Variants in CGREF1 observed in about 807,000 individuals in gnomAD.
CGREF1 encodes cell growth regulator with EF hand domain protein 1.
In CGREF1, 16 loss-of-function variants were observed where a neutral mutation model predicts 17.4. The ratio of observed to expected loss-of-function variants is 0.92; its 90% CI spans 0.62 to 1.40. CGREF1 has a LOEUF of 1.40. Among genes scored for constraint, CGREF1 ranks in the 40% most tolerant of loss-of-function variants. The pLI, the probability that CGREF1 is intolerant of heterozygous loss-of-function variation, is 0.00. For synonymous variants in CGREF1, 142 were observed against 154.6 expected (o/e 0.92, Z 0.61); for missense variants, 296 against 376.4 (o/e 0.79, Z 1.77).
Position 27,100,989 on chromosome 2 carries a change from C to T in CGREF1, c.*285G>A, listed in dbSNP as rs1427593458. ...CACCGTGAGGCCCAGAAACACTGGG[C>T]AGGCGGCATCCCTGTCCTTTCGGTC... On this transcript the variant is annotated 3_prime_UTR_variant, in exon 6 of 6. Coordinates refer to ENST00000402394, the MANE Select transcript of CGREF1 (RefSeq NM_006569.6). 5 of 1,225,830 alleles carry T rather than the reference C, an allele frequency of 4.1e-6. No individual in the cohort carries two copies. The highest frequency in any genetic ancestry group is 3.1e-5 in the African/African-American group (2 of 64,362). The allele number at this position is 1,225,830 out of a possible 1,614,324, so 75.9% of individuals were successfully genotyped here.
At chr2:27,106,586 T>C (rs780062976) in intron 1 of CGREF1, among the ~76,000 whole-genome samples, 7 of 152,216 alleles carry the variant, frequency 4.6e-5, no homozygotes, top group Non-Finnish European at 1.0e-4. Context: ...TGAGACTCTA[T>C]AACAAGCCTG....
Position 27,101,066 on chromosome 2 carries a change from T to TA in CGREF1, c.*207_*208insT. The TA allele has an allele frequency of 3.2e-6, 4 of 1,235,972 alleles. No homozygotes were observed. The highest frequency in any genetic ancestry group is 3.4e-5 in the East Asian group (1 of 29,540). The allele number at this position is 1,235,972 out of a possible 1,614,324, so 76.6% of individuals were successfully genotyped here. A position where few individuals can be genotyped will look rare whatever the true frequency, so the allele number is the denominator to read the frequency against. On this transcript the variant is annotated 3_prime_UTR_variant, in exon 6 of 6. Transcript: ENST00000402394. ...TGGGCAGGCTGGACGGGTAGAGAGGTGGCCGGGGGGATGAATTCATTCAGT... is the reference window on the plus strand; with the variant it reads ...TGGGCAGGCTGGACGGGTAGAGAGGTAGGCCGGGGGGATGAATTCATTCAGT...
chr2:27,100,901 A>T lies in CGREF1; in HGVS notation c.*373T>A. On this transcript the variant is annotated 3_prime_UTR_variant, in exon 6 of 6. Coordinates refer to ENST00000402394, the MANE Select transcript of CGREF1 (RefSeq NM_006569.6). ...GGGTTTGGGGCCCAGGGATAGACTG[A>T]GCTTTCCTCACTGGGTCCTCTGCAG... is the stretch of plus-strand genomic sequence containing the variant. The T allele has an allele frequency of 1.8e-6, 2 of 1,087,854 alleles. No homozygotes were observed. The highest frequency in any genetic ancestry group is 4.4e-4 in the Middle Eastern group (1 of 2,290). 67.4% of individuals were successfully genotyped at this position (1,087,854 alleles called of 1,614,324 possible).
intron 1 of CGREF1, 33 bp from the exon 2 acceptor site, chr2:27,104,410 A>G (rs1671036631): frequency 1.2e-6 from 2 of 1,610,344 alleles, no homozygotes; most frequent in East Asian, 4.5e-5. Context: ...GGGTCGGGGG[A>G]AAGAGGCGTC....
chr2:27,108,586 A>G (rs1463555464), intron 1 of CGREF1, among the ~76,000 whole-genome samples: 1 of 152,172 alleles, frequency 6.6e-6, no homozygotes, highest in Non-Finnish European at 1.5e-5. Flanking sequence ...ACCTAGACCT[A>G]TTTTTCTAAA....
chr2:27,116,628 G>A (rs1671574061), intron 1 of CGREF1, among the ~76,000 whole-genome samples: 1 of 151,240 alleles, frequency 6.6e-6, no homozygotes, highest in South Asian at 2.1e-4. Flanking sequence ...GGAGTGCAAT[G>A]GCGCGATCTC....
At chr2:27,107,020 C>T (rs1357106823) in intron 1 of CGREF1, among the ~76,000 whole-genome samples, 2 of 152,194 alleles carry the variant, frequency 1.3e-5, no homozygotes, top group Admixed American at 1.3e-4. Flanking sequence ...ATGGCACCCC[C>T]AGATGACTGG....
chr2:27,103,542 G>GT (rs1202196735), intron 2 of CGREF1, among the ~76,000 whole-genome samples: 2 of 151,742 alleles, frequency 1.3e-5, no homozygotes, highest in Non-Finnish European at 2.9e-5. Flanking sequence ...CCGGCTAATT[G>GT]TTTTTTATTT....
chr2:27,107,288 T>C (rs1255536198), intron 1 of CGREF1, among the ~76,000 whole-genome samples: 2 of 135,522 alleles, frequency 1.5e-5, no homozygotes, highest in East Asian at 4.5e-4. Context: ...AGGGTCTCGC[T>C]CTGTTGCCCA....
chr2:27,105,802 C>T (rs1305037946), intron 1 of CGREF1, among the ~76,000 whole-genome samples: 1 of 152,232 alleles, frequency 6.6e-6, no homozygotes, highest in Non-Finnish European at 1.5e-5. Flanking sequence ...CCGCCTGGGC[C>T]TCCCAAAGTG....
At chr2:27,100,068 C>T, downstream of CGREF1, 1 of 613,736 alleles carries the variant, frequency 1.6e-6, no homozygotes, top group Non-Finnish European at 2.9e-6. Flanking sequence ...ATTAACCTCT[C>T]CGCCCAGGCC....
At chr2:27,099,881 C>T (rs1202599317), downstream of CGREF1, 3 of 1,546,906 alleles carry the variant, frequency 1.9e-6, no homozygotes, top group Non-Finnish European at 1.7e-6. Context: ...AGGACTCTGC[C>T]TGTGTCCTGT....
Position 27,101,691 on chromosome 2 carries a change from TTCTTG to T in CGREF1, c.535_539del (p.Gln179AsnfsTer35). On this transcript the variant is annotated frameshift_variant, in exon 6 of 6. Transcript: ENST00000402394. LOFTEE classifies it low-confidence loss of function (END_TRUNC). Reference sequence around the variant, plus strand: ...CTCTGGGACCAGGGGCTTCCTGTGTTTCTTGTCTTAATGGGCTTTTAGCTAATAGG... The same window carrying T: ...CTCTGGGACCAGGGGCTTCCTGTGTTTCTTAATGGGCTTTTAGCTAATAGG... 6.2e-7 allele frequency: 1 copy of T among 1,614,096 alleles called. No homozygotes were observed. The highest frequency in any genetic ancestry group is 2.2e-5 in the East Asian group (1 of 44,884).
intron 2 of CGREF1, chr2:27,102,877 C>A: frequency 2.1e-6 from 2 of 959,008 alleles, no homozygotes; most frequent in Non-Finnish European, 2.5e-6. Flanking sequence ...CTAGTAGACA[C>A]AAGTTAGAGA....
chr2:27,116,924 T>TCTCTCTCTCTCTCTCTCTCTCTCTCTC (rs1558467022), intron 1 of CGREF1, among the ~76,000 whole-genome samples: 9 of 92,542 alleles, frequency 9.7e-5, no homozygotes, highest in Admixed American at 1.3e-4. Flanking sequence ...TCTCTCTCTC[T>TCTCTCTCTCTCTCTCTCTCTCTCTCTC]TTTTTTGAGA....
chr2:27,116,081 T>C (rs1671554071), intron 1 of CGREF1, among the ~76,000 whole-genome samples: 2 of 151,362 alleles, frequency 1.3e-5, no homozygotes, highest in African/African-American at 4.9e-5. Flanking sequence ...TGTTTTTAAT[T>C]AGACAGCATG....
intron 1 of CGREF1, among the ~76,000 whole-genome samples, chr2:27,109,949 G>T (rs1157047427): frequency 1.7e-5 from 2 of 120,318 alleles, no homozygotes; most frequent in South Asian, 2.8e-4. Flanking sequence ...TAAAAAATTA[G>T]AACTGGAATG....
Position 27,102,357 on chromosome 2 carries a change from C to T in CGREF1, c.217+3G>A. 2 of 1,614,122 alleles carry T rather than the reference C, an allele frequency of 1.2e-6. No homozygotes were observed. Among genetic ancestry groups the T allele is most frequent in the Non-Finnish European group, 1.7e-6 (2 of 1,179,960 alleles). On this transcript the variant is annotated splice_donor_region_variant and intron_variant, in intron 4 of 5. Transcript: ENST00000402394. Reference sequence around the variant, plus strand: ...CCCTGGCCCCATCAGCCCAGCCCCTCACCCTGCTCCCGGCTCAGATGCTCC... The same window carrying T: ...CCCTGGCCCCATCAGCCCAGCCCCTTACCCTGCTCCCGGCTCAGATGCTCC...
rs529237365 is a variant in CGREF1, at chr2:27,101,876, C to T, written c.355G>A (p.Val119Met). 1.2e-6 allele frequency: 2 copies of T among 1,612,374 alleles called. No individual in the cohort carries two copies. Among genetic ancestry groups the T allele is most frequent in the South Asian group, 2.2e-5 (2 of 91,080 alleles). ...SPTTNPVILI[V>M]DKVLETQDLN... ...TCCTGGGTCTCGAGCACTTTGTCCA[C>T]TATCAAGATCACCTGTGGAAGCAGA... Residue 119 changes from valine to methionine, a missense_variant, in exon 6 of 6, where the codon GTG (valine) becomes ATG (methionine). Val to Met is a conservative substitution (Grantham distance 21, BLOSUM62 1). Coordinates refer to ENST00000402394, the MANE Select transcript of CGREF1 (RefSeq NM_006569.6).
Sources: gnomAD v4.1 joint callset for allele counts (sites outside exome capture counted in the v4.1 genomes callset) on GRCh38, gnomAD v4.1.1 for gene constraint, MANE v1.5 for transcripts, NCBI Gene and HGNC (gene_info 2026-07-23, HGNC 2026-07-21) for gene names.